CNIH3: variants seen among roughly 807,000 people sequenced by gnomAD.
CNIH3 encodes cornichon family AMPA receptor auxiliary protein 3.
CNIH3 carries 14 observed loss-of-function variants against 24.1 expected under a neutral mutation model. That is an observed-to-expected ratio of 0.58 (90% confidence interval 0.38 to 0.91). The LOEUF (loss-of-function observed/expected upper bound fraction) is 0.91, where lower values mean the gene tolerates loss of function less well. Ranked by LOEUF, CNIH3 falls within the 40% of genes least tolerant of loss-of-function variation. CNIH3 has a pLI of 0.00. For missense variants in CNIH3, 178 were observed against 196.8 expected (o/e 0.90, Z 0.57); for synonymous variants, 68 against 73.8 (o/e 0.92, Z 0.40).
chr1:224,725,656 A>G (rs1303925765), intron 3 of CNIH3, among the ~76,000 whole-genome samples: 1 of 152,166 alleles, frequency 6.6e-6, no homozygotes, highest in Non-Finnish European at 1.5e-5. Flanking sequence ...AGCCCCTCAG[A>G]AAACCTATGC....
chr1:224,579,067 C>CTTTTTTT (rs60330387), intron 4 of CNIH3, among the ~76,000 whole-genome samples: 2 of 138,942 alleles, frequency 1.4e-5, no homozygotes, highest in African/African-American at 2.7e-5. Flanking sequence ...TTTCTTTTTT[C>CTTTTTTT]TTTTTTTTTT....
At chr1:224,644,568 G>A (rs566054238) in intron 1 of CNIH3, among the ~76,000 whole-genome samples, 10 of 152,162 alleles carry the variant, frequency 6.6e-5, no homozygotes, top group African/African-American at 2.4e-4. Context: ...CAAATCAAGG[G>A]AGCAAAAAAG....
downstream of CNIH3, among the ~76,000 whole-genome samples, chr1:224,588,968 G>GTTTTTTTGT (rs1553271535): frequency 7.1e-5 from 8 of 112,326 alleles, no homozygotes; most frequent in African/African-American, 3.0e-4. Flanking sequence ...CTGACCCCCT[G>GTTTTTTTGT]TTTTTTTTTT....
At chr1:224,723,895 G>A (rs958030568) in intron 3 of CNIH3, among the ~76,000 whole-genome samples, 1 of 152,146 alleles carries the variant, frequency 6.6e-6, no homozygotes, top group African/African-American at 2.4e-5. Context: ...ATCAGTAGGT[G>A]TCATATTAAT....
intron 3 of CNIH3, among the ~76,000 whole-genome samples, chr1:224,561,199 A>AATTTTGG (rs1680360045): frequency 6.6e-6 from 1 of 152,214 alleles, no homozygotes; most frequent in South Asian, 2.1e-4. Context: ...TCTTCTACTT[A>AATTTTGG]TCAAAACAGA....
upstream of CNIH3, chr1:224,615,416 G>A (rs914093395): frequency 2.6e-5 from 4 of 152,326 alleles, no homozygotes; most frequent in Admixed American, 6.5e-5. Flanking sequence ...GAACTTCCAA[G>A]ATGCTGGGCC....
At chr1:224,447,314 A>G (rs1675208448) in intron 1 of CNIH3, among the ~76,000 whole-genome samples, 1 of 152,204 alleles carries the variant, frequency 6.6e-6, no homozygotes, top group South Asian at 2.1e-4. Flanking sequence ...TGGAGTCCCA[A>G]GGCCAGAGAG....
At chr1:224,533,869 G>A (rs1030781387) in intron 2 of CNIH3, among the ~76,000 whole-genome samples, 2 of 152,156 alleles carry the variant, frequency 1.3e-5, no homozygotes, top group Admixed American at 1.3e-4. Flanking sequence ...TTGAACATAG[G>A]CTGGGAGCAC....
At chr1:224,460,773 GTT>G (rs11322243) in intron 1 of CNIH3, among the ~76,000 whole-genome samples, 12 of 144,482 alleles carry the variant, frequency 8.3e-5, no homozygotes, top group South Asian at 2.2e-4. Flanking sequence ...GGTTTTTTGG[GTT>G]TTTTTTTTTT....
chr1:224,598,126 T>A (rs189721115), intron 3 of CNIH3, among the ~76,000 whole-genome samples: 20 of 152,322 alleles, frequency 1.3e-4, no homozygotes, highest in Admixed American at 2.6e-4. Context: ...CATGTGTAAT[T>A]CATGTGAGGA....
upstream of CNIH3, among the ~76,000 whole-genome samples, chr1:224,614,280 G>A (rs563361993): frequency 6.6e-6 from 1 of 152,288 alleles, no homozygotes; most frequent in South Asian, 2.1e-4. Flanking sequence ...CTGACCCAGA[G>A]GCAATAAAAT....
chr1:224,595,280 A>G (rs774675257), intron 3 of CNIH3, among the ~76,000 whole-genome samples: 2 of 152,184 alleles, frequency 1.3e-5, no homozygotes, highest in Non-Finnish European at 2.9e-5. Context: ...TCATGGGCTC[A>G]AGTGATCCTC....
chr1:224,443,329 A>T (rs1025040056), intron 1 of CNIH3, among the ~76,000 whole-genome samples: 2 of 152,136 alleles, frequency 1.3e-5, no homozygotes, highest in Non-Finnish European at 1.5e-5. Context: ...CATCTATCTA[A>T]TGAGGGTTTC....
chr1:224,548,096 T>G (rs964443237), intron 3 of CNIH3, among the ~76,000 whole-genome samples: 1 of 152,070 alleles, frequency 6.6e-6, no homozygotes, highest in African/African-American at 2.4e-5. Flanking sequence ...CACCCCGTGA[T>G]GTTATTTATA....
chr1:224,636,615 T>C (rs1361700186), intron 1 of CNIH3, among the ~76,000 whole-genome samples: 1 of 152,236 alleles, frequency 6.6e-6, no homozygotes, highest in Non-Finnish European at 1.5e-5. Flanking sequence ...AAGTTTGATG[T>C]GGCAAAGTTG....
intron 1 of CNIH3, among the ~76,000 whole-genome samples, chr1:224,452,519 C>T (rs530910548): frequency 1.3e-3 from 190 of 151,930 alleles, no homozygotes; most frequent in Non-Finnish European, 2.1e-3. Context: ...CGGTGGCTCA[C>T]ACCTGTAATC....
chr1:224,555,766 G>C (rs1263880362), intron 3 of CNIH3, among the ~76,000 whole-genome samples: 2 of 152,208 alleles, frequency 1.3e-5, no homozygotes, highest in Admixed American at 6.5e-5. Flanking sequence ...AGAGTTTTGA[G>C]CTAATCCTTT....
At chr1:224,700,529 G>T (rs1326981111) in intron 3 of CNIH3, among the ~76,000 whole-genome samples, 3 of 152,114 alleles carry the variant, frequency 2.0e-5, no homozygotes, top group African/African-American at 2.4e-5. Flanking sequence ...TGAGTTTCTG[G>T]GTTTTAATTT....
chr1:224,621,002 A>C (rs966417781), intron 1 of CNIH3, among the ~76,000 whole-genome samples: 2 of 152,240 alleles, frequency 1.3e-5, no homozygotes, highest in African/African-American at 4.8e-5. Context: ...TGTCTCATTT[A>C]TATAAACACA....
Sources: allele counts gnomAD v4.1 joint callset (sites outside exome capture counted in the v4.1 genomes callset), GRCh38; gene constraint gnomAD v4.1.1; transcripts MANE v1.5; gene names NCBI Gene and HGNC (gene_info 2026-07-23, HGNC 2026-07-21).